Variants in ANKRD12 observed in about 807,000 individuals in gnomAD.
ANKRD12 encodes the protein ankyrin repeat domain 12.
In ANKRD12, 85 loss-of-function variants were observed where a neutral mutation model predicts 183.4. That is an observed-to-expected ratio of 0.46 (90% CI 0.39 to 0.56). The LOEUF (loss-of-function observed/expected upper bound fraction) is 0.56. Among genes scored for constraint, ANKRD12 ranks in the 20% least tolerant of loss-of-function variants. The pLI is 0.00. For synonymous variants in ANKRD12, 914 were observed against 800.2 expected (o/e 1.14, Z -2.40); for missense variants, 2,405 against 2,357.1 (o/e 1.02, Z -0.42).
chr18:9,277,666 C>T (rs997311838), intron 11 of ANKRD12, among the ~76,000 whole-genome samples: 1 of 151,916 alleles, frequency 6.6e-6, no homozygotes, highest in Non-Finnish European at 1.5e-5. Context: ...TAATTAAATT[C>T]ATTAAAAATA....
chr18:9,216,345 C>A (rs959524268), intron 6 of ANKRD12, among the ~76,000 whole-genome samples: 1 of 152,004 alleles, frequency 6.6e-6, no homozygotes, highest in Non-Finnish European at 1.5e-5. Flanking sequence ...ATTTTTCTTA[C>A]GATTTTGTTA....
intron 7 of ANKRD12, among the ~76,000 whole-genome samples, chr18:9,218,480 C>G (rs536092940): frequency 5.3e-5 from 8 of 152,228 alleles, no homozygotes; most frequent in African/African-American, 1.9e-4. Context: ...AGATTTCTTT[C>G]TTTCAGTAAT....
At chr18:9,137,903 AGT>A (rs2078175768) in intron 1 of ANKRD12, 1 of 152,250 alleles carries the variant, frequency 6.6e-6, no homozygotes. Context: ...CAGCTGTTTT[AGT>A]AATAACAGTA....
In ANKRD12 at chr18:9,257,686, GC is replaced by G. The variant is rs1190662287; in HGVS notation, c.4421del (p.Pro1474GlnfsTer62). ...DFLSLRQTEL[P>X]GNSCAQDPAS... is the part of the protein sequence containing the mutation. ...TTTTATCCCTGCGCCAGACTGAACT[GC>G]CAGGAAACTCTTGTGCTCAGGATCC... On this transcript the variant is annotated frameshift_variant, in exon 9 of 13. Transcript: ENST00000262126. LOFTEE classifies it high-confidence loss of function. The G allele has an allele frequency of 6.2e-7, 1 of 1,613,950 alleles. No individual in the cohort carries two copies. The highest frequency in any genetic ancestry group is 8.5e-7 in the Non-Finnish European group (1 of 1,180,002).
At chr18:9,169,805 C>A (rs2032498555) in intron 1 of ANKRD12, among the ~76,000 whole-genome samples, 1 of 152,150 alleles carries the variant, frequency 6.6e-6, no homozygotes, top group South Asian at 2.1e-4. Flanking sequence ...TTCTTCCTAG[C>A]ATTGATGGTC....
At chr18:9,219,329 T>C (rs1054193488) in intron 7 of ANKRD12, among the ~76,000 whole-genome samples, 2 of 152,174 alleles carry the variant, frequency 1.3e-5, no homozygotes, top group African/African-American at 4.8e-5. Flanking sequence ...CATAAAGATA[T>C]CCACTACAGT....
chr18:9,156,346 A>G (rs1244712230), intron 1 of ANKRD12, among the ~76,000 whole-genome samples: 1 of 152,054 alleles, frequency 6.6e-6, no homozygotes, highest in Non-Finnish European at 1.5e-5. Flanking sequence ...AAAAACGGTG[A>G]GGAGGGAGTA....
intron 1 of ANKRD12, among the ~76,000 whole-genome samples, chr18:9,168,813 G>C (rs1294144602): frequency 6.6e-6 from 1 of 151,996 alleles, no homozygotes; most frequent in Non-Finnish European, 1.5e-5. Flanking sequence ...TGTGATGTTA[G>C]GGTGTCAATT....
At chr18:9,237,646 T>A (rs980376656) in intron 8 of ANKRD12, among the ~76,000 whole-genome samples, 7 of 152,204 alleles carry the variant, frequency 4.6e-5, no homozygotes, top group African/African-American at 1.7e-4. Flanking sequence ...AAATCAAGAA[T>A]AGTTATATCT....
At chr18:9,153,189 G>A (rs902670119) in intron 1 of ANKRD12, among the ~76,000 whole-genome samples, 1 of 152,046 alleles carries the variant, frequency 6.6e-6, no homozygotes, top group Non-Finnish European at 1.5e-5. Context: ...TTCAAACAGG[G>A]TATTTACATG....
At chr18:9,280,356 G>A (rs572810769) in intron 12 of ANKRD12, among the ~76,000 whole-genome samples, 16 of 152,282 alleles carry the variant, frequency 1.1e-4, no homozygotes, top group South Asian at 6.2e-4. Flanking sequence ...CACCTCCTGC[G>A]GTGTGGCCCA....
chr18:9,170,816 T>C (rs1489979305), intron 1 of ANKRD12, among the ~76,000 whole-genome samples: 2 of 152,186 alleles, frequency 1.3e-5, no homozygotes, highest in East Asian at 3.8e-4. Flanking sequence ...CTGCTCTGTT[T>C]TTTTCCCATC....
intron 9 of ANKRD12, among the ~76,000 whole-genome samples, chr18:9,262,139 T>G (rs1271690790): frequency 6.6e-6 from 1 of 152,216 alleles, no homozygotes; most frequent in Non-Finnish European, 1.5e-5. Context: ...TCTCTCATAA[T>G]GCTGATTATA....
At chr18:9,142,042 C>T (rs2078334241) in intron 1 of ANKRD12, among the ~76,000 whole-genome samples, 2 of 152,018 alleles carry the variant, frequency 1.3e-5, no homozygotes, top group South Asian at 2.1e-4. Flanking sequence ...GATTACAGGT[C>T]TTAGCCACCT....
At position 9,257,421 on chromosome 18, in the gene ANKRD12, A is replaced by G; in HGVS notation, c.4154A>G (p.Asp1385Gly). The G allele has an allele frequency of 6.2e-7, 1 of 1,614,118 alleles. No homozygotes were observed. Among genetic ancestry groups the G allele is most frequent in the Non-Finnish European group, 8.5e-7 (1 of 1,180,000 alleles). The part of the protein sequence containing the change: ...GASNSKYVSA[D>G]RNLIKNTAPV... Reference sequence around the variant, plus strand: ...TCAAACAGCAAGTATGTTTCAGCTGATAGAAATCTCATCAAGAATACTGCC... The same window carrying G: ...TCAAACAGCAAGTATGTTTCAGCTGGTAGAAATCTCATCAAGAATACTGCC... Residue 1385 changes from aspartate (D) to glycine (G), a missense_variant, in exon 9 of 13, where the codon GAT (aspartate) becomes GGT (glycine). Physicochemically the swap from Asp to Gly is moderately conservative, Grantham distance 94 (BLOSUM62 -1). Coordinates refer to ENST00000262126, the MANE Select transcript of ANKRD12 (RefSeq NM_015208.5).
chr18:9,208,838 C>T (rs1286407440), intron 5 of ANKRD12, 35 bp downstream of exon 5: 2 of 1,459,764 alleles, frequency 1.4e-6, no homozygotes, highest in South Asian at 3.2e-5. Flanking sequence ...ATGTGTATCC[C>T]TAGTTTTCCT....
In ANKRD12 at chr18:9,281,440, C is replaced by G. The variant is rs1032995733; in HGVS notation, c.*314C>G. 8.8e-5 allele frequency: 16 copies of G among 181,538 alleles called. No homozygotes were observed. The highest frequency in any genetic ancestry group is 1.4e-4 in the Non-Finnish European group (12 of 88,186). The allele number at this position is 181,538 out of a possible 1,614,324, so 11.2% of individuals were successfully genotyped here. A position where few individuals can be genotyped will look rare whatever the true frequency, so the allele number is the denominator to read the frequency against. On this transcript the variant is annotated 3_prime_UTR_variant, in exon 13 of 13. Transcript: ENST00000262126. ...AACAGCGCTGGAAGTTGTTAGCGCT[C>G]TAAGTAATAAGATAACCACTAGTAT...
At position 9,255,845 on chromosome 18, in the gene ANKRD12, C is replaced by T. The variant is rs939545410; in HGVS notation, c.2578C>T (p.Leu860Phe). ...TAAGTCAGAAAAAGACAAATTAGAT[C>T]TTAGTGAATGTGTTGATAAAATAAA... ...EHKSEKDKLD[L>F]SECVDKIKEK... Residue 860 changes from leucine (L) to phenylalanine (F), a missense_variant, in exon 9 of 13, where the codon CTT becomes TTT. Leu to Phe is a conservative substitution (Grantham distance 22). Transcript: ENST00000262126. The T allele has an allele frequency of 2.5e-6, 4 of 1,581,490 alleles. No homozygotes were observed. The highest frequency in any genetic ancestry group is 1.4e-5 in the African/African-American group (1 of 72,682).
At position 9,281,423 on chromosome 18, in the gene ANKRD12, T is replaced by C; in HGVS notation, c.*297T>C. On this transcript the variant is annotated 3_prime_UTR_variant, in exon 13 of 13. Transcript: ENST00000262126. ...AAAGTTGAGAATCTGCTAACAGCGC[T>C]GGAAGTTGTTAGCGCTCTAAGTAAT... 1 of 204,822 alleles carries C rather than the reference T, an allele frequency of 4.9e-6. No individual in the cohort carries two copies. Among genetic ancestry groups the C allele is most frequent in the Non-Finnish European group, 9.7e-6 (1 of 103,578 alleles). The allele number at this position is 204,822 out of a possible 1,614,324, so 12.7% of individuals were successfully genotyped here.
Sources: allele counts gnomAD v4.1 joint callset (sites outside exome capture counted in the v4.1 genomes callset), GRCh38; gene constraint gnomAD v4.1.1; transcripts MANE v1.5; gene names NCBI Gene and HGNC (gene_info 2026-07-23, HGNC 2026-07-21).